The following CRMP1 variants were observed in gnomAD, a reference collection of about 807,000 sequenced individuals.
CRMP1 encodes dihydropyrimidinase-related protein 1.
Under a neutral mutation model 68.3 loss-of-function variants are expected in CRMP1, and 19 were observed. The observed-to-expected ratio is 0.28, with a 90% CI of 0.19 to 0.41. The LOEUF (loss-of-function observed/expected upper bound fraction) is 0.41, where lower values mean the gene tolerates loss of function less well. CRMP1 is among the 10% of genes least tolerant of loss of function. The probability of loss-of-function intolerance (pLI) is 1.00; values close to 1 mark genes in which losing one functional copy is unlikely to be tolerated. For missense variants in CRMP1, 791 were observed against 967.4 expected, an observed-to-expected ratio of 0.82 and a Z score of 2.42; for synonymous variants, 439 against 399.6, an observed-to-expected ratio of 1.10 and a Z score of -1.18.
Position 5,840,083 on chromosome 4 carries a change from T to C in CRMP1, c.1154-405A>G, listed in dbSNP as rs1711595603. Among the ~76,000 whole-genome samples, 10 of 152,190 alleles carry C rather than the reference T, an allele frequency of 6.6e-5. 1 individual carries two copies. The highest frequency in any genetic ancestry group is 6.5e-4 in the Admixed American group (10 of 15,282). ...TCAAGAGTCTTATTTGGGAGGTGATTCCAGGAAACACTGGCTGGGGATTGA... is the reference window on the plus strand; with the variant it reads ...TCAAGAGTCTTATTTGGGAGGTGATCCCAGGAAACACTGGCTGGGGATTGA... On this transcript the variant is annotated intron_variant, in intron 8 of 13. Transcript: ENST00000324989.
chr4:5,824,931 G>T, intron 13 of CRMP1: 1 of 985,386 alleles, frequency 1.0e-6, no homozygotes, highest in Non-Finnish European at 1.2e-6. Context: ...ATCTAATTTT[G>T]TTCCCACACA....
Position 5,855,965 on chromosome 4 carries a change from A to T in CRMP1, c.820+178T>A, listed in dbSNP as rs548560750. ...AGGACACCCCCAGAGGTTTTCAAGG[A>T]GAAAAGGATGGACTCTGTAAAGGGA... On this transcript the variant is annotated intron_variant, in intron 4 of 13. Coordinates refer to ENST00000324989, the MANE Select transcript of CRMP1 (RefSeq NM_001014809.3). The surrounding 1 kb of genome is among the most constrained non-coding windows in gnomAD (Gnocchi z 4.9). Among the ~76,000 whole-genome samples the T allele has an allele frequency of 2.6e-5, 4 of 152,290 alleles. No homozygotes were observed. Among genetic ancestry groups the T allele is most frequent in the African/African-American group, 9.6e-5 (4 of 41,556 alleles).
chr4:5,828,393 C>G lies in CRMP1; in HGVS notation c.1803+96G>C. 6 of 1,493,478 alleles carry G rather than the reference C, an allele frequency of 4.0e-6. No individual in the cohort carries two copies. The South Asian group carries it at 8.3e-5, about 21-fold the overall frequency. 92.5% of individuals were successfully genotyped at this position (1,493,478 alleles called of 1,614,324 possible). A position where few individuals can be genotyped will look rare whatever the true frequency, so the allele number is the denominator to read the frequency against. Reference sequence around the variant, plus strand: ...GAAACGGAGGTTCCCAGGGCGATGACATTATTAACTCTGCACACGTCAGAT... The same window carrying G: ...GAAACGGAGGTTCCCAGGGCGATGAGATTATTAACTCTGCACACGTCAGAT... On this transcript the variant is annotated intron_variant, in intron 12 of 13. Transcript: ENST00000324989.
At chr4:5,874,701 A>G (rs138939306) in intron 1 of CRMP1, among the ~76,000 whole-genome samples, 6 of 152,284 alleles carry the variant, frequency 3.9e-5, no homozygotes, top group Admixed American at 2.6e-4. Flanking sequence ...TGCAAAGGAG[A>G]GAAAAGGAAG....
intron 11 of CRMP1, among the ~76,000 whole-genome samples, chr4:5,831,743 C>G (rs1012233978): frequency 2.6e-5 from 4 of 152,208 alleles, no homozygotes; most frequent in African/African-American, 9.7e-5. Context: ...ATGCCACACC[C>G]TGCATTTCAC....
chr4:5,846,757 ATTTTTTTTTTT>A (rs71171490), intron 6 of CRMP1, among the ~76,000 whole-genome samples: 10 of 53,708 alleles, frequency 1.9e-4, no homozygotes, highest in African/African-American at 7.6e-4. Flanking sequence ...TGCCCGGCTA[ATTTTTTTTTTT>A]TTTTTTTTTT....
rs1719382296 is a variant in CRMP1, at chr4:5,825,364, G to A, written c.1969+130C>T. ...CCCACCAGTGAGAGCAGGCTCGGGT[G>A]GGGCACACTCCCTTCCCTGCTTCTT... On this transcript the variant is annotated intron_variant, in intron 13 of 13. Coordinates refer to ENST00000324989, the MANE Select transcript of CRMP1 (RefSeq NM_001014809.3). This position sits in a 1 kb window ranked among gnomAD's most constrained non-coding sequence, Gnocchi z 4.4. 2.1e-6 allele frequency: 3 copies of A among 1,440,720 alleles called. No individual in the cohort carries two copies. The highest frequency in any genetic ancestry group is 1.6e-5 in the South Asian group (1 of 60,776). The allele number at this position is 1,440,720 out of a possible 1,614,324, so 89.2% of individuals were successfully genotyped here.
chr4:5,869,925 A>T (rs538361193), intron 1 of CRMP1, among the ~76,000 whole-genome samples: 1 of 152,134 alleles, frequency 6.6e-6, no homozygotes, highest in Non-Finnish European at 1.5e-5. Flanking sequence ...CATCTGAGGA[A>T]GTGCACAGAA....
intron 1 of CRMP1, among the ~76,000 whole-genome samples, chr4:5,868,277 A>ATATC (rs1560513286): frequency 7.6e-5 from 6 of 78,602 alleles, no homozygotes; most frequent in African/African-American, 4.4e-4. Context: ...ATATATATAT[A>ATATC]TATATATATA....
At position 5,888,133 on chromosome 4, in the gene CRMP1, GC is replaced by G. The variant is rs1715732340; in HGVS notation, c.381+4455del. 3 of 1,218,298 alleles carry G rather than the reference GC, an allele frequency of 2.5e-6. No individual in the cohort carries two copies. Among genetic ancestry groups the G allele is most frequent in the Admixed American group, 4.3e-5 (1 of 23,308 alleles). 75.5% of individuals were successfully genotyped at this position (1,218,298 alleles called of 1,614,324 possible). A position where few individuals can be genotyped will look rare whatever the true frequency, so the allele number is the denominator to read the frequency against. Reference sequence around the variant, plus strand: ...GGCGACGCAGGAGGCCTCGGGGGGCGCCCCTGCCGGCGCCCCGTGGATCTGG... The same window carrying G: ...GGCGACGCAGGAGGCCTCGGGGGGCGCCCTGCCGGCGCCCCGTGGATCTGG... On this transcript the variant is annotated intron_variant, in intron 1 of 13. Transcript: ENST00000324989. This position sits in a 1 kb window ranked among gnomAD's most constrained non-coding sequence, Gnocchi z 6.4.
At position 5,821,442 on chromosome 4, in the gene CRMP1, C is replaced by G; in HGVS notation, c.*318G>C. 2.8e-6 allele frequency: 1 copy of G among 361,748 alleles called. No homozygotes were observed. Among genetic ancestry groups the G allele is most frequent in the Non-Finnish European group, 5.1e-6 (1 of 195,198 alleles). 22.4% of individuals were successfully genotyped at this position (361,748 alleles called of 1,614,324 possible). ...GCAAAGGAACCACCACTCAGAGAATCATGGAGCCAGTGGAGTTAGAAGTGG... is the reference window on the plus strand; with the variant it reads ...GCAAAGGAACCACCACTCAGAGAATGATGGAGCCAGTGGAGTTAGAAGTGG... On this transcript the variant is annotated 3_prime_UTR_variant, in exon 14 of 14. Coordinates refer to ENST00000324989, the MANE Select transcript of CRMP1 (RefSeq NM_001014809.3). The surrounding 1 kb of genome is among the most constrained non-coding windows in gnomAD (Gnocchi z 4.4).
rs3755855 is a variant in CRMP1, at chr4:5,890,454, G to T, written c.381+2135C>A. Among the ~76,000 whole-genome samples the T allele has an allele frequency of 6.6e-6, 1 of 152,100 alleles. No individual in the cohort carries two copies. Among genetic ancestry groups the T allele is most frequent in the African/African-American group, 2.4e-5 (1 of 41,448 alleles). ...GGGGAAGGGCCGGGGCACCCGTTGC[G>T]AAGCCCTGGAGCGGTGAGGCCCGCC... On this transcript the variant is annotated intron_variant, in intron 1 of 13. Coordinates refer to ENST00000324989, the MANE Select transcript of CRMP1 (RefSeq NM_001014809.3). This position sits in a 1 kb window ranked among gnomAD's most constrained non-coding sequence, Gnocchi z 5.5.
intron 13 of CRMP1, among the ~76,000 whole-genome samples, chr4:5,823,747 A>C (rs1240446501): frequency 6.6e-6 from 1 of 152,212 alleles, no homozygotes; most frequent in African/African-American, 2.4e-5. Flanking sequence ...CCAGAAGCAG[A>C]CGCTGGCACC....
At chr4:5,868,960 TC>T (rs1714241862) in intron 1 of CRMP1, among the ~76,000 whole-genome samples, 1 of 152,192 alleles carries the variant, frequency 6.6e-6, no homozygotes, top group South Asian at 2.1e-4. Context: ...TTTTCTTTTT[TC>T]TTTTTTTCGA....
At chr4:5,835,707 GAA>G (rs1720683185) in intron 11 of CRMP1, among the ~76,000 whole-genome samples, 1 of 152,218 alleles carries the variant, frequency 6.6e-6, no homozygotes, top group Admixed American at 6.5e-5. Context: ...GAGAGAGAGA[GAA>G]AGAGAAGGAG....
At chr4:5,869,583 C>T (rs938219059) in intron 1 of CRMP1, among the ~76,000 whole-genome samples, 3 of 149,902 alleles carry the variant, frequency 2.0e-5, no homozygotes, top group Non-Finnish European at 4.4e-5. Flanking sequence ...ACTCAGGAGG[C>T]TGAGGCAGGA....
In CRMP1 at chr4:5,850,617, T is replaced by A. The variant is rs1407941688; in HGVS notation, c.882+791A>T. Reference sequence around the variant, plus strand: ...CACCATCCTAGCACTTTACTCTTCTTATGAAATCATTCAACTGCCTCTATA... The same window carrying A: ...CACCATCCTAGCACTTTACTCTTCTAATGAAATCATTCAACTGCCTCTATA... On this transcript the variant is annotated intron_variant, in intron 5 of 13. Transcript: ENST00000324989. This position sits in a 1 kb window ranked among gnomAD's most constrained non-coding sequence, Gnocchi z 4.4. Among the ~76,000 whole-genome samples the A allele has an allele frequency of 6.6e-6, 1 of 152,188 alleles. No individual in the cohort carries two copies. The highest frequency in any genetic ancestry group is 1.5e-5 in the Non-Finnish European group (1 of 68,030).
intron 1 of CRMP1, among the ~76,000 whole-genome samples, chr4:5,878,230 C>A (rs989016676): frequency 1.3e-5 from 2 of 151,872 alleles, no homozygotes; most frequent in Admixed American, 6.6e-5. Context: ...ACAGAGACCA[C>A]CCCACTGCCT....
rs1714007492 is a variant in CRMP1, at chr4:5,866,471, C to T, written c.470+197G>A. The stretch of plus-strand genomic sequence containing the variant: ...CAGCCGTGTGGCAGGGAGCCTAGCC[C>T]GGGGGGGCACCCAAGAAATGCCAGC... On this transcript the variant is annotated intron_variant, in intron 2 of 13. Transcript: ENST00000324989. This position sits in a 1 kb window ranked among gnomAD's most constrained non-coding sequence, Gnocchi z 5.9. Among the ~76,000 whole-genome samples the T allele has an allele frequency of 6.6e-6, 1 of 152,086 alleles. No individual in the cohort carries two copies. Among genetic ancestry groups the T allele is most frequent in the Admixed American group, 6.6e-5 (1 of 15,262 alleles).
Sources: allele counts gnomAD v4.1 joint callset (sites outside exome capture counted in the v4.1 genomes callset), GRCh38; gene constraint gnomAD v4.1.1; non-coding constraint Gnocchi (gnomAD v3.1); transcripts MANE v1.5; gene names NCBI Gene and HGNC (gene_info 2026-07-23, HGNC 2026-07-21).